The following ADGRV1 variants were observed in gnomAD, a reference collection of about 807,000 sequenced individuals.
ADGRV1 encodes the protein adhesion G protein-coupled receptor V1.
ADGRV1 carries 359 observed loss-of-function variants against 596.2 expected under a neutral mutation model. The ratio of observed to expected loss-of-function variants is 0.60; its 90% CI spans 0.55 to 0.66. ADGRV1 has a LOEUF of 0.66. Ranked by LOEUF, ADGRV1 falls within the 30% of genes least tolerant of loss-of-function variation. The pLI is 0.00. For missense variants in ADGRV1, 7,274 were observed against 7,575.6 expected, an observed-to-expected ratio of 0.96 and a Z score of 1.48; for synonymous variants, 2,681 against 2,679.2, an observed-to-expected ratio of 1.00 and a Z score of -0.02.
chr5:90,791,229 G>C lies in ADGRV1; in HGVS notation c.14400G>C (p.Gly4800=). ...GAACATTTGGAGATGTGGCTGTTGG[G>C]CTTCGAATATCATCGGATCATAAAG... ...LAGTFGDVAV[G]LRISSDHKEQ... Residue 4800 remains glycine, a synonymous_variant, in exon 70 of 90, where the codon GGG becomes GGC. Transcript: ENST00000405460. 2 of 1,613,528 alleles carry C rather than the reference G, an allele frequency of 1.2e-6. No individual in the cohort carries two copies. The highest frequency in any genetic ancestry group is 1.7e-6 in the Non-Finnish European group (2 of 1,179,748).
chr5:91,023,375 T>C (rs1268636097), intron 85 of ADGRV1, among the ~76,000 whole-genome samples: 1 of 152,000 alleles, frequency 6.6e-6, no homozygotes, highest in Non-Finnish European at 1.5e-5. Context: ...TGTTACAGTA[T>C]AAGGAAGTGA....
chr5:91,131,581 G>A (rs143984290), intron 87 of ADGRV1, among the ~76,000 whole-genome samples: 2 of 152,184 alleles, frequency 1.3e-5, no homozygotes, highest in East Asian at 3.9e-4. Flanking sequence ...CTTGCCAGTA[G>A]CTGGGATTAC....
At chr5:91,139,198 G>T (rs931998277) in intron 87 of ADGRV1, among the ~76,000 whole-genome samples, 1 of 152,200 alleles carries the variant, frequency 6.6e-6, no homozygotes, top group Non-Finnish European at 1.5e-5. Context: ...TCTTAGAATG[G>T]AGTCACATGA....
chr5:90,559,542 A>C (rs765231240), intron 1 of ADGRV1, among the ~76,000 whole-genome samples: 1 of 152,176 alleles, frequency 6.6e-6, no homozygotes. Context: ...TCTTAAAATC[A>C]AGAAATTATA....
chr5:91,121,279 AG>A (rs1040266985), intron 87 of ADGRV1, among the ~76,000 whole-genome samples: 1 of 152,154 alleles, frequency 6.6e-6, no homozygotes, highest in Admixed American at 6.6e-5. Context: ...TCAAAAGTAG[AG>A]GTGCTAAATC....
intron 76 of ADGRV1, among the ~76,000 whole-genome samples, chr5:90,826,794 C>T (rs114105901): frequency 1.3e-5 from 2 of 152,154 alleles, no homozygotes; most frequent in African/African-American, 4.8e-5. Context: ...AGTCTATTGG[C>T]ACTCAAAGTT....
intron 83 of ADGRV1, among the ~76,000 whole-genome samples, chr5:90,912,413 A>G (rs934546256): frequency 6.6e-6 from 1 of 152,208 alleles, no homozygotes; most frequent in South Asian, 2.1e-4. Flanking sequence ...CAGTGGTTGC[A>G]TATGCAGATT....
intron 85 of ADGRV1, among the ~76,000 whole-genome samples, chr5:91,018,057 C>T (rs534687815): frequency 2.3e-4 from 35 of 151,962 alleles, no homozygotes; most frequent in African/African-American, 8.0e-4. Context: ...TTAACAAGTA[C>T]ATGCTGGATC....
At position 90,753,706 on chromosome 5, in the gene ADGRV1, A is replaced by C. The variant is rs1755519482; in HGVS notation, c.11254A>C (p.Lys3752Gln). ...ITTEGVEDSY[K>Q]GATIDQDRSK... ...CACAGAAGGGGTTGAGGACTCATAC[A>C]AAGGTGCTACTATTGATCAGGACAG... The change falls in exon 54 of 90, where the codon AAA (lysine) becomes CAA (glutamine). Residue 3752 changes from lysine (K) to glutamine (Q), a missense_variant. Physicochemically the swap from Lys to Gln is moderately conservative, Grantham distance 53. Transcript: ENST00000405460. The C allele has an allele frequency of 6.2e-7, 1 of 1,613,618 alleles. No homozygotes were observed. Among genetic ancestry groups the C allele is most frequent in the Non-Finnish European group, 8.5e-7 (1 of 1,179,720 alleles).
chr5:90,848,800 C>T lies in ADGRV1; in HGVS notation c.17183C>T (p.Thr5728Ile). The change falls in exon 79 of 90, where the codon ACT becomes ATT. Residue 5728 changes from threonine to isoleucine, a missense_variant. This residue lies in a region of ADGRV1 where 1,874 missense variants were observed against 1,970.2 expected (regional missense o/e 0.95). Transcript: ENST00000405460. ...GCCTTTTCTCTGCTGACTAATGTTACTTGCGGCTCTCCTGGTGAAAAGTAA... is the reference window on the plus strand; with the variant it reads ...GCCTTTTCTCTGCTGACTAATGTTATTTGCGGCTCTCCTGGTGAAAAGTAA... Reference protein sequence around the residue: ...NFAFSLLTNVTCGSPGEKSKT... With the variant: ...NFAFSLLTNVICGSPGEKSKT... 1 of 1,583,916 alleles carries T rather than the reference C, an allele frequency of 6.3e-7. No homozygotes were observed. Among genetic ancestry groups the T allele is most frequent in the South Asian group, 1.2e-5 (1 of 83,782 alleles).
In ADGRV1 at chr5:90,665,819, G is replaced by A. The variant is rs561129409; in HGVS notation, c.4753-6727G>A. ...AGAGATTCTGGTATGTTGTGTCTTC[G>A]TTCTTGTTGGTTTCAAAGAACATCT... On this transcript the variant is annotated intron_variant, in intron 21 of 89. Coordinates refer to ENST00000405460, the MANE Select transcript of ADGRV1 (RefSeq NM_032119.4). 5.3e-5 allele frequency among the ~76,000 whole-genome samples: 8 copies of A among 151,414 alleles called. No homozygotes were observed. The South Asian group carries it at 8.4e-4, about 16-fold the overall frequency.
intron 75 of ADGRV1, among the ~76,000 whole-genome samples, chr5:90,817,973 G>C (rs935808013): frequency 1.3e-5 from 2 of 152,038 alleles, no homozygotes; most frequent in African/African-American, 4.8e-5. Context: ...AGCTTGATGG[G>C]GATGGCATTG....
At chr5:90,756,875 A>T in intron 56 of ADGRV1, 104 bp from the exon 57 acceptor site, 1 of 961,420 alleles carries the variant, frequency 1.0e-6, no homozygotes, top group Non-Finnish European at 1.5e-6. Context: ...TTTCTACTTT[A>T]AAGGGTGAAA....
intron 85 of ADGRV1, among the ~76,000 whole-genome samples, chr5:91,064,794 A>C (rs1004865644): frequency 6.6e-6 from 1 of 152,210 alleles, no homozygotes; most frequent in Non-Finnish European, 1.5e-5. Flanking sequence ...TGATGTTTTC[A>C]TAAATTTATT....
chr5:91,001,684 A>G (rs1480841860), intron 85 of ADGRV1, among the ~76,000 whole-genome samples: 1 of 152,246 alleles, frequency 6.6e-6, no homozygotes, highest in Non-Finnish European at 1.5e-5. Context: ...TTTAAATTGC[A>G]GTAAAATCTA....
At chr5:90,900,840 A>T (rs1771770818) in intron 83 of ADGRV1, among the ~76,000 whole-genome samples, 1 of 152,154 alleles carries the variant, frequency 6.6e-6, no homozygotes, top group Non-Finnish European at 1.5e-5. Flanking sequence ...TTAAAAGAAA[A>T]TAAAATATGT....
chr5:90,628,466 A>T, intron 7 of ADGRV1, 96 bp from the exon 8 acceptor site: 2 of 972,274 alleles, frequency 2.1e-6, no homozygotes, highest in Non-Finnish European at 3.2e-6. Context: ...TTCTGTTTTT[A>T]TCAGTGTCTA....
chr5:91,120,804 T>TTAGCTGTGCTTGGCAATGTGGAGTA (rs1793245768), intron 87 of ADGRV1, among the ~76,000 whole-genome samples: 1 of 152,162 alleles, frequency 6.6e-6, no homozygotes, highest in Admixed American at 6.5e-5. Context: ...CAGAACCTCT[T>TTAGCTGTGCTTGGCAATGTGGAGTA]TAGCTGTGCT....
At chr5:90,985,727 G>A (rs1780435953) in intron 85 of ADGRV1, among the ~76,000 whole-genome samples, 1 of 152,156 alleles carries the variant, frequency 6.6e-6, no homozygotes, top group African/African-American at 2.4e-5. Flanking sequence ...TCTCAAGTGA[G>A]TTGGTGTATC....
Sources: allele counts gnomAD v4.1 joint callset (sites outside exome capture counted in the v4.1 genomes callset), GRCh38; gene constraint gnomAD v4.1.1; regional missense constraint gnomAD v4.1.1; transcripts MANE v1.5; gene names NCBI Gene and HGNC (gene_info 2026-07-23, HGNC 2026-07-21).